The following STARD5 variants were observed in gnomAD, a reference collection of about 807,000 sequenced individuals.
STARD5 encodes the protein StAR related lipid transfer domain containing 5.
STARD5 carries 26 observed loss-of-function variants against 24.6 expected under a neutral mutation model. That is an observed-to-expected ratio of 1.06 (90% CI 0.77 to 1.47). The LOEUF (loss-of-function observed/expected upper bound fraction) is 1.47. Ranked by LOEUF, STARD5 falls within the 40% of genes most tolerant of loss-of-function variation. STARD5 has a pLI of 0.00. For synonymous variants in STARD5, 101 were observed against 99.7 expected (o/e 1.01, Z -0.07); for missense variants, 254 against 270.8 (o/e 0.94, Z 0.44).
chr15:81,317,194 CA>C (rs34300152), intron 5 of STARD5, among the ~76,000 whole-genome samples: 482 of 106,610 alleles, frequency 4.5e-3, no homozygotes, highest in Non-Finnish European at 5.6e-3. Flanking sequence ...AACTCCGTCT[CA>C]AAAAAAAAAA....
At chr15:81,317,273 TC>T (rs35502465) in intron 5 of STARD5, among the ~76,000 whole-genome samples, 38,514 of 151,356 alleles carry the variant, frequency 0.25, 5,534 homozygotes, top group South Asian at 0.41. Context: ...TATTGTGCAT[TC>T]CACCAAAAAG....
chr15:81,318,158 C>T (rs1901120628), intron 5 of STARD5, among the ~76,000 whole-genome samples: 1 of 152,258 alleles, frequency 6.6e-6, no homozygotes, highest in South Asian at 2.1e-4. Context: ...CTGGAGGCTG[C>T]AGGGAAAATT....
chr15:81,314,893 G>GAAAAAAAAA (rs5814055), intron 5 of STARD5, among the ~76,000 whole-genome samples: 10 of 103,992 alleles, frequency 9.6e-5, no homozygotes, highest in South Asian at 8.0e-4. Context: ...CCTCAAAAAA[G>GAAAAAAAAA]AAAAAAAAAA....
chr15:81,319,346 A>G lies in STARD5; in HGVS notation c.393T>C (p.Ser131=), dbSNP rs1228291287. ...LVKRYEDGTI[S]SNATHVEHPL... is the part of the protein sequence containing the mutation. ...CCTCCGGGCATCACTCACCGTTGGA[A>G]CTGATGGTCCCATCCTCATATCTCT... Residue 131 remains serine (S), a synonymous_variant, in exon 4 of 6, where the codon AGT becomes AGC. Transcript: ENST00000302824. 6.2e-7 allele frequency: 1 copy of G among 1,613,742 alleles called. No homozygotes were observed. Among genetic ancestry groups the G allele is most frequent in the Middle Eastern group, 1.6e-4 (1 of 6,062 alleles).
At position 81,314,934 on chromosome 15, in the gene STARD5, C is replaced by G. The variant is rs561366985; in HGVS notation, c.495-1531G>C. ...AAAAAAAGAATCTCACTCTTCAAGT[C>G]ATACAGAAGGACAACTGGGGCATGG... On this transcript the variant is annotated intron_variant, in intron 5 of 5. Coordinates refer to ENST00000302824, the MANE Select transcript of STARD5 (RefSeq NM_181900.3). Among the ~76,000 whole-genome samples, 3 of 145,458 alleles carry G rather than the reference C, an allele frequency of 2.1e-5. No individual in the cohort carries two copies. The South Asian group carries it at 6.7e-4, about 32-fold the overall frequency.
At chr15:81,317,547 G>T (rs1901108848) in intron 5 of STARD5, among the ~76,000 whole-genome samples, 1 of 152,150 alleles carries the variant, frequency 6.6e-6, no homozygotes, top group African/African-American at 2.4e-5. Context: ...TTACATCTAA[G>T]AAAAGTCTTC....
chr15:81,313,595 C>G (rs143280341), intron 5 of STARD5, 192 bp from the exon 6 acceptor site: 1 of 424,300 alleles, frequency 2.4e-6, no homozygotes. Context: ...CCCATCCTGT[C>G]GGGGATGCAT....
intron 3 of STARD5, among the ~76,000 whole-genome samples, chr15:81,319,866 C>T (rs1374399265): frequency 6.6e-6 from 1 of 152,130 alleles, no homozygotes; most frequent in Non-Finnish European, 1.5e-5. Context: ...CAGCACGAAG[C>T]TCATGGTGGA....
In STARD5 at chr15:81,314,600, C is replaced by T. The variant is rs191678254; in HGVS notation, c.495-1197G>A. Among the ~76,000 whole-genome samples, 31 of 152,204 alleles carry T rather than the reference C, an allele frequency of 2.0e-4. 1 individual carries two copies. The highest frequency in any genetic ancestry group is 7.0e-4 in the African/African-American group (29 of 41,538). ...GGAGACCTTTTAGAATCCCACTCCC[C>T]AGGGCCAAGCACGGTGGCTCATGCC... is the stretch of plus-strand genomic sequence containing the variant. On this transcript the variant is annotated intron_variant, in intron 5 of 5. Coordinates refer to ENST00000302824, the MANE Select transcript of STARD5 (RefSeq NM_181900.3).
intron 5 of STARD5, among the ~76,000 whole-genome samples, chr15:81,317,945 G>A (rs530738039): frequency 3.2e-4 from 48 of 152,242 alleles, no homozygotes; most frequent in African/African-American, 1.1e-3. Context: ...ATTCCTTGCC[G>A]AGGAGAGATG....
intron 5 of STARD5, among the ~76,000 whole-genome samples, chr15:81,317,479 G>A (rs570820584): frequency 2.0e-5 from 3 of 152,188 alleles, no homozygotes; most frequent in African/African-American, 4.8e-5. Flanking sequence ...CTGAGTGCAG[G>A]TGTGTATGTC....
At chr15:81,318,590 CT>C in intron 4 of STARD5, 88 bp from the exon 5 acceptor site, 2 of 1,186,304 alleles carry the variant, frequency 1.7e-6, no homozygotes, top group Non-Finnish European at 1.2e-6. Context: ...ACAGACCAGA[CT>C]ACCTGCAGCC....
At position 81,312,451 on chromosome 15, in the gene STARD5, C is replaced by G. The variant is rs1243691850; in HGVS notation, c.*805G>C. The G allele has an allele frequency of 6.6e-6, 1 of 152,258 alleles. No individual in the cohort carries two copies. The highest frequency in any genetic ancestry group is 2.4e-5 in the African/African-American group (1 of 41,442). 9.4% of individuals were successfully genotyped at this position (152,258 alleles called of 1,614,324 possible). A position where few individuals can be genotyped will look rare whatever the true frequency, so the allele number is the denominator to read the frequency against. On this transcript the variant is annotated 3_prime_UTR_variant, in exon 6 of 6. Transcript: ENST00000302824. ...AAGACGACAAGGAAAGGCAAATGCC[C>G]AAGGGAAAGAAAAGGAAGGCTCTTC...
At chr15:81,323,547 T>C in intron 1 of STARD5, 2 of 1,022,244 alleles carry the variant, frequency 2.0e-6, no homozygotes, top group Non-Finnish European at 3.0e-6. Flanking sequence ...GAGGGGTTCA[T>C]GCTGTAATGA....
chr15:81,320,895 T>C (rs1232883970), intron 3 of STARD5, among the ~76,000 whole-genome samples: 1 of 152,252 alleles, frequency 6.6e-6, no homozygotes, highest in African/African-American at 2.4e-5. Context: ...GACAAACTCA[T>C]GGCATGGCCC....
chr15:81,320,721 G>A (rs1901177910), intron 3 of STARD5, among the ~76,000 whole-genome samples: 1 of 152,132 alleles, frequency 6.6e-6, no homozygotes, highest in South Asian at 2.1e-4. Context: ...TTTTGTAACA[G>A]TAATGGCAGA....
At chr15:81,318,573 A>G (rs1282970456) in intron 4 of STARD5, 71 bp from the exon 5 acceptor site, 5 of 1,376,920 alleles carry the variant, frequency 3.6e-6, no homozygotes, top group Non-Finnish European at 4.1e-6. Context: ...GGGGTGCCAT[A>G]GAGCACACAG....
intron 5 of STARD5, 118 bp downstream of exon 5, chr15:81,318,291 C>G: frequency 1.2e-6 from 1 of 805,510 alleles, no homozygotes; most frequent in Admixed American, 2.0e-5. Flanking sequence ...ATCTAAAGAG[C>G]TATAAGGCAT....
chr15:81,319,296 G>C (rs118161618), intron 4 of STARD5, 43 bp downstream of exon 4: 1 of 1,531,240 alleles, frequency 6.5e-7, no homozygotes. Flanking sequence ...GAGAAAGCTC[G>C]ATATCGCAGG....
Sources: allele counts gnomAD v4.1 joint callset (sites outside exome capture counted in the v4.1 genomes callset), GRCh38; gene constraint gnomAD v4.1.1; transcripts MANE v1.5; gene names NCBI Gene and HGNC (gene_info 2026-07-23, HGNC 2026-07-21).